Variants in DYM observed in about 807,000 individuals in gnomAD.
DYM encodes the protein dymeclin.
In DYM, 78 loss-of-function variants were observed where a neutral mutation model predicts 93.1. The ratio of observed to expected loss-of-function variants is 0.84; its 90% CI spans 0.70 to 1.01. The LOEUF (loss-of-function observed/expected upper bound fraction) is 1.01, where lower values mean the gene tolerates loss of function less well. Among genes scored for constraint, DYM ranks in the 50% least tolerant of loss-of-function variants. The probability of loss-of-function intolerance (pLI) is 0.00; values close to 1 mark genes in which losing one functional copy is unlikely to be tolerated. For missense variants in DYM, 789 were observed against 845.0 expected (o/e 0.93, Z 0.82); for synonymous variants, 321 against 319.7 (o/e 1.00, Z -0.04).
At chr18:49,100,158 A>G (rs1281009230) in intron 16 of DYM, among the ~76,000 whole-genome samples, 1 of 152,190 alleles carries the variant, frequency 6.6e-6, no homozygotes, top group Non-Finnish European at 1.5e-5. Flanking sequence ...CAATACTATT[A>G]GTAAAACTAA....
At chr18:49,287,607 T>C (rs991084740) in intron 8 of DYM, among the ~76,000 whole-genome samples, 1 of 151,826 alleles carries the variant, frequency 6.6e-6, no homozygotes, top group Non-Finnish European at 1.5e-5. Context: ...TGTCCAGGCC[T>C]GGCACGGTGG....
intron 1 of DYM, among the ~76,000 whole-genome samples, chr18:49,447,710 A>G (rs1168745103): frequency 2.0e-5 from 3 of 152,148 alleles, no homozygotes; most frequent in Admixed American, 1.3e-4. Flanking sequence ...CAACTTTCCT[A>G]TTGTAATCTC....
At chr18:49,252,314 G>A (rs1200968297) in intron 13 of DYM, among the ~76,000 whole-genome samples, 2 of 150,176 alleles carry the variant, frequency 1.3e-5, no homozygotes, top group East Asian at 3.9e-4. Flanking sequence ...CAGCTGGGGA[G>A]GCCTCGGGAA....
At chr18:49,127,618 T>C (rs112367671) in intron 15 of DYM, among the ~76,000 whole-genome samples, 1,607 of 152,178 alleles carry the variant, frequency 0.011, 14 homozygotes, top group Non-Finnish European at 0.018. Context: ...GGGGAGGAAA[T>C]GCACAAGCAA....
intron 8 of DYM, among the ~76,000 whole-genome samples, chr18:49,312,722 G>T (rs2061676064): frequency 6.6e-6 from 1 of 152,194 alleles, no homozygotes; most frequent in South Asian, 2.1e-4. Context: ...GTGACCGGGG[G>T]CATGTCAGCA....
At chr18:49,046,533 G>C (rs1285307809) in intron 17 of DYM, among the ~76,000 whole-genome samples, 4 of 149,022 alleles carry the variant, frequency 2.7e-5, no homozygotes, top group African/African-American at 1.0e-4. Flanking sequence ...ACACACACCA[G>C]ACACACAGAC....
At chr18:49,188,943 G>A (rs2090710048) in intron 14 of DYM, among the ~76,000 whole-genome samples, 1 of 152,170 alleles carries the variant, frequency 6.6e-6, no homozygotes, top group African/African-American at 2.4e-5. Flanking sequence ...GCTCATCAAT[G>A]GTGGAGTGGA....
chr18:49,074,998 G>C (rs1039441499), intron 17 of DYM, among the ~76,000 whole-genome samples: 1 of 152,106 alleles, frequency 6.6e-6, no homozygotes, highest in African/African-American at 2.4e-5. Flanking sequence ...CTGAGGAAGG[G>C]GCTGCTGATA....
chr18:49,355,363 CATTG>C (rs1239000129), intron 6 of DYM, among the ~76,000 whole-genome samples: 7 of 149,522 alleles, frequency 4.7e-5, no homozygotes, highest in Non-Finnish European at 8.9e-5. Context: ...TTGATAGGTA[CATTG>C]ATAGATAGAT....
At chr18:49,128,620 T>A (rs886079098) in intron 15 of DYM, among the ~76,000 whole-genome samples, 1 of 152,172 alleles carries the variant, frequency 6.6e-6, no homozygotes, top group Non-Finnish European at 1.5e-5. Context: ...ACTTACATAA[T>A]TTTTTAAAAC....
chr18:49,272,571 G>A (rs765709549), intron 10 of DYM, among the ~76,000 whole-genome samples: 1 of 152,134 alleles, frequency 6.6e-6, no homozygotes, highest in African/African-American at 2.4e-5. Context: ...ATTTAGGCTC[G>A]TTGTTTGTTT....
rs1046914345 is a variant in DYM, at chr18:49,183,945, G to A, written c.1626-20158C>T. On this transcript the variant is annotated intron_variant, in intron 14 of 17. Coordinates refer to ENST00000675505, the MANE Select transcript of DYM (RefSeq NM_001353214.3). ...AAGAGGCCTTGTGAACACGCAGTGA[G>A]AAGGCAGCCATCTGCAGCCCAAGGG... is the stretch of plus-strand genomic sequence containing the variant. Among the ~76,000 whole-genome samples the A allele has an allele frequency of 2.6e-5, 4 of 152,190 alleles. No individual in the cohort carries two copies. The East Asian group carries it at 7.7e-4, about 29-fold the overall frequency.
At chr18:49,075,897 G>A (rs2077262375) in intron 17 of DYM, among the ~76,000 whole-genome samples, 1 of 152,172 alleles carries the variant, frequency 6.6e-6, no homozygotes, top group Non-Finnish European at 1.5e-5. Context: ...GTAAAGATCT[G>A]ATGTAACATG....
intron 17 of DYM, among the ~76,000 whole-genome samples, chr18:49,070,032 C>A (rs867949446): frequency 6.6e-6 from 1 of 152,172 alleles, no homozygotes; most frequent in Non-Finnish European, 1.5e-5. Context: ...CAGAGCGAGA[C>A]TCTGTCTCAA....
intron 14 of DYM, among the ~76,000 whole-genome samples, chr18:49,198,177 T>C (rs2091653898): frequency 6.6e-6 from 1 of 152,106 alleles, no homozygotes; most frequent in African/African-American, 2.4e-5. Flanking sequence ...TGGCTAGCCA[T>C]ATGGAGAAAA....
At chr18:49,152,646 G>A (rs978343939) in intron 15 of DYM, among the ~76,000 whole-genome samples, 3 of 152,128 alleles carry the variant, frequency 2.0e-5, no homozygotes, top group African/African-American at 2.4e-5. Flanking sequence ...ATACCCAAAG[G>A]AAATGAGGTA....
At chr18:49,290,363 T>C (rs1463599134) in intron 8 of DYM, among the ~76,000 whole-genome samples, 3 of 151,344 alleles carry the variant, frequency 2.0e-5, no homozygotes, top group African/African-American at 4.9e-5. Context: ...CATATGTACA[T>C]ATTTAAAAAA....
At position 49,351,566 on chromosome 18, in the gene DYM, A is replaced by G. The variant is rs114527471; in HGVS notation, c.494+11595T>C. On this transcript the variant is annotated intron_variant, in intron 6 of 17. Coordinates refer to ENST00000675505, the MANE Select transcript of DYM (RefSeq NM_001353214.3). ...ATTCTAAAGACAAACCCAAGATTCT[A>G]AAATCTTCCACCGAGGAAAAGAAAA... Among the ~76,000 whole-genome samples the G allele has an allele frequency of 3.4e-3, 518 of 152,114 alleles. 4 individuals are homozygous for G. Among genetic ancestry groups the G allele is most frequent in the African/African-American group, 0.012 (480 of 41,506 alleles).
At chr18:49,223,727 G>A (rs761850246) in intron 13 of DYM, among the ~76,000 whole-genome samples, 5 of 151,966 alleles carry the variant, frequency 3.3e-5, no homozygotes, top group African/African-American at 7.3e-5. Flanking sequence ...TAAAAGTAAC[G>A]ATTCAGCCAA....
Sources: gnomAD v4.1 joint callset for allele counts (sites outside exome capture counted in the v4.1 genomes callset) on GRCh38, gnomAD v4.1.1 for gene constraint, MANE v1.5 for transcripts, NCBI Gene and HGNC (gene_info 2026-07-23, HGNC 2026-07-21) for gene names.